MTOR: variants seen among roughly 807,000 people sequenced by gnomAD.
MTOR encodes serine/threonine-protein kinase mTOR.
MTOR carries 70 observed loss-of-function variants against 319.8 expected under a neutral mutation model. The ratio of observed to expected loss-of-function variants is 0.22; its 90% CI spans 0.18 to 0.27. The LOEUF (loss-of-function observed/expected upper bound fraction) is 0.27. Ranked by LOEUF, MTOR falls within the 10% of genes least tolerant of loss-of-function variation. The pLI is 1.00. For synonymous variants in MTOR, 1,183 were observed against 1,211.4 expected, an observed-to-expected ratio of 0.98 and a Z score of 0.49; for missense variants, 1,890 against 3,274.4, an observed-to-expected ratio of 0.58 and a Z score of 10.32.
chr1:11,138,750 G>A (rs967098560), intron 36 of MTOR, among the ~76,000 whole-genome samples: 1 of 152,214 alleles, frequency 6.6e-6, no homozygotes, highest in East Asian at 1.9e-4. Context: ...CAGGCAGATT[G>A]TTTAAAGAAA....
At chr1:11,189,316 C>A in intron 28 of MTOR, 1 of 373,376 alleles carries the variant, frequency 2.7e-6, no homozygotes, top group East Asian at 5.1e-5. Context: ...GAGGTACAGG[C>A]AGCAAACAAT....
chr1:11,162,038 A>G (rs1048632056), intron 29 of MTOR, among the ~76,000 whole-genome samples: 2 of 152,236 alleles, frequency 1.3e-5, no homozygotes, highest in African/African-American at 4.8e-5. Flanking sequence ...AACCTTGAAA[A>G]AAGATGAGAC....
At chr1:11,108,644 T>C (rs1292207786) in intron 56 of MTOR, among the ~76,000 whole-genome samples, 7 of 135,262 alleles carry the variant, frequency 5.2e-5, no homozygotes, top group Non-Finnish European at 1.1e-4. Flanking sequence ...ACCTGGAAGG[T>C]GGAGGTTGCA....
At chr1:11,176,969 A>G (rs912724417) in intron 28 of MTOR, among the ~76,000 whole-genome samples, 69 of 152,298 alleles carry the variant, frequency 4.5e-4, no homozygotes, top group African/African-American at 1.6e-3. Context: ...GGCAGACAGA[A>G]GCAAAATGAA....
intron 26 of MTOR, among the ~76,000 whole-genome samples, chr1:11,201,214 T>C (rs1232816729): frequency 6.6e-6 from 1 of 152,106 alleles, no homozygotes; most frequent in African/African-American, 2.4e-5. Context: ...ACATTGGATC[T>C]TGAATGAACG....
chr1:11,232,297 C>G lies in MTOR; in HGVS notation c.2514+139G>C, dbSNP rs1569702864. On this transcript the variant is annotated intron_variant, in intron 16 of 57. Transcript: ENST00000361445. ...CAAATCTTTCTAACTTTTACTCATT[C>G]AACAAATATTTTTGAGCACCTACTA... 1.6e-5 allele frequency: 9 copies of G among 565,222 alleles called. No individual in the cohort carries two copies. The East Asian group carries it at 2.5e-4, about 15-fold the overall frequency. 35.0% of individuals were successfully genotyped at this position (565,222 alleles called of 1,614,324 possible). A position where few individuals can be genotyped will look rare whatever the true frequency, so the allele number is the denominator to read the frequency against.
At chr1:11,190,750 T>C (rs1389272823) in intron 28 of MTOR, among the ~76,000 whole-genome samples, 2 of 152,158 alleles carry the variant, frequency 1.3e-5, no homozygotes, top group Admixed American at 1.3e-4. Context: ...TTTCTGAAAT[T>C]ATCAGGAAAA....
intron 25 of MTOR, 57 bp from the exon 26 acceptor site, chr1:11,204,760 A>C: frequency 1.9e-6 from 3 of 1,557,546 alleles, no homozygotes; most frequent in South Asian, 2.3e-5. Flanking sequence ...AATTGAAAAA[A>C]GTCCTCATCT....
chr1:11,118,271 C>G (rs960233819), intron 49 of MTOR, among the ~76,000 whole-genome samples: 18 of 99,186 alleles, frequency 1.8e-4, no homozygotes, highest in African/African-American at 6.6e-4. Context: ...GAGTCTTGCT[C>G]TATTGCCCAG....
chr1:11,221,728 CATAT>C (rs943282681), intron 19 of MTOR, among the ~76,000 whole-genome samples: 4 of 147,688 alleles, frequency 2.7e-5, no homozygotes, highest in Non-Finnish European at 6.0e-5. Context: ...TGTATATATA[CATAT>C]ATATATTCTA....
chr1:11,227,732 A>T (rs1464975858), intron 19 of MTOR, among the ~76,000 whole-genome samples: 4 of 152,178 alleles, frequency 2.6e-5, no homozygotes, highest in South Asian at 4.1e-4. Flanking sequence ...TAAAATGGAG[A>T]AGGAATAGCA....
intron 46 of MTOR, among the ~76,000 whole-genome samples, 154 bp downstream of exon 46, chr1:11,126,468 G>C (rs934802217): frequency 6.6e-6 from 1 of 152,118 alleles, no homozygotes; most frequent in Non-Finnish European, 1.5e-5. Flanking sequence ...TGAGAAATTT[G>C]CTTGCCCTCT....
rs760485296 is a variant in MTOR at position 11,127,963 on chromosome 1, G to A, written c.6033+41C>T. 5 of 1,609,550 alleles carry A rather than the reference G, an allele frequency of 3.1e-6. No homozygotes were observed. Among genetic ancestry groups the A allele is most frequent in the Admixed American group, 1.7e-5 (1 of 59,398 alleles). On this transcript the variant is annotated intron_variant, in intron 43 of 57. Transcript: ENST00000361445. The surrounding 1 kb of genome is among the most constrained non-coding windows in gnomAD (Gnocchi z 5.5). ...AATCCCACTTGCGCCCACCAGCTAA[G>A]GGACCAGGGTCTATGAAGCCCCACA...
At chr1:11,112,817 G>A in intron 54 of MTOR, 35 bp downstream of exon 54, 1 of 1,611,470 alleles carries the variant, frequency 6.2e-7, no homozygotes, top group Non-Finnish European at 8.5e-7. Context: ...TGCACAAGGG[G>A]GAGAGCCTTT....
chr1:11,150,307 G>T, intron 30 of MTOR, 81 bp from the exon 31 acceptor site: 1 of 1,224,446 alleles, frequency 8.2e-7, no homozygotes, highest in Non-Finnish European at 1.2e-6. Flanking sequence ...CTTGGGTTAG[G>T]TGAGGACTAC....
In MTOR at chr1:11,106,845, G is replaced by C. The variant is rs1463554314; in HGVS notation, c.*640C>G. The C allele has an allele frequency of 1.9e-5, 25 of 1,313,764 alleles. No homozygotes were observed. The highest frequency in any genetic ancestry group is 2.5e-5 in the Non-Finnish European group (25 of 1,010,234). The allele number at this position is 1,313,764 out of a possible 1,614,324, so 81.4% of individuals were successfully genotyped here. ...CATCTGCTCAGCCGAGGCTGCCAGC[G>C]ATCTGAATAAACCTCCCTACTAGCG... is the stretch of plus-strand genomic sequence containing the variant. On this transcript the variant is annotated 3_prime_UTR_variant, in exon 58 of 58. Coordinates refer to ENST00000361445, the MANE Select transcript of MTOR (RefSeq NM_004958.4).
At chr1:11,232,610 C>T (rs1647057531) in intron 15 of MTOR, 82 bp from the exon 16 acceptor site, 1 of 1,088,478 alleles carries the variant, frequency 9.2e-7, no homozygotes, top group East Asian at 2.5e-5. Context: ...CACGGTGGCT[C>T]ATGCCTGTAA....
intron 30 of MTOR, among the ~76,000 whole-genome samples, chr1:11,153,734 G>T (rs1571009221): frequency 1.3e-5 from 2 of 151,834 alleles, no homozygotes; most frequent in African/African-American, 4.8e-5. Context: ...CTAAAATGTG[G>T]TATGACTGAG....
intron 18 of MTOR, among the ~76,000 whole-genome samples, chr1:11,229,309 T>C (rs1424961040): frequency 6.6e-6 from 1 of 152,202 alleles, no homozygotes; most frequent in Non-Finnish European, 1.5e-5. Flanking sequence ...AGCAGCTCCT[T>C]GGTTCCCCTA....
Sources: allele counts gnomAD v4.1 joint callset (sites outside exome capture counted in the v4.1 genomes callset), GRCh38; gene constraint gnomAD v4.1.1; non-coding constraint Gnocchi (gnomAD v3.1); transcripts MANE v1.5; gene names NCBI Gene and HGNC (gene_info 2026-07-23, HGNC 2026-07-21).